The following CENPT variants were observed in gnomAD, a reference collection of about 807,000 sequenced individuals.
CENPT encodes interphase centromere complex protein 22.
A neutral mutation model predicts 59.7 loss-of-function variants in CENPT; 42 were observed. That is an observed-to-expected ratio of 0.70 (90% CI 0.55 to 0.91). The LOEUF is 0.91. Ranked by LOEUF, CENPT falls within the 40% of genes least tolerant of loss-of-function variation. CENPT has a pLI of 0.00. For synonymous variants in CENPT, 295 were observed against 289.6 expected (o/e 1.02, Z -0.19); for missense variants, 716 against 713.4 (o/e 1.00, Z -0.04).
rs1482775614 is a variant in CENPT, at chr16:67,832,104, T to C, written c.294A>G (p.Pro98=). 1.9e-6 allele frequency: 3 copies of C among 1,611,540 alleles called. No individual in the cohort carries two copies. The African/African-American group carries it at 4.0e-5, about 22-fold the overall frequency. The change falls in exon 7 of 16, where the codon CCA becomes CCG. Residue 98 remains proline, a synonymous_variant. Transcript: ENST00000562787. ...TLLKNILLTA[P]ESSILMPESV... ...ACTCAGGCATCAGGATGGAAGATTC[T>C]GGGGCTGCAGAAACACCAAGGAGAG...
At chr16:67,837,989 T>A (rs2057742595) in intron 1 of CENPT, among the ~76,000 whole-genome samples, 1 of 152,144 alleles carries the variant, frequency 6.6e-6, no homozygotes, top group African/African-American at 2.4e-5. Flanking sequence ...AAGAACAGAT[T>A]GCAGGAGAGG....
intron 1 of CENPT, among the ~76,000 whole-genome samples, chr16:67,839,054 T>C (rs1015152032): frequency 6.6e-6 from 1 of 151,680 alleles, no homozygotes; most frequent in African/African-American, 2.4e-5. Flanking sequence ...AGTTCCAGAC[T>C]AGCCTGCCCA....
chr16:67,839,400 A>C (rs911476711), intron 1 of CENPT, among the ~76,000 whole-genome samples: 8 of 149,590 alleles, frequency 5.3e-5, no homozygotes, highest in African/African-American at 1.2e-4. Context: ...AAAAAAAAAA[A>C]CCAAAAAAAA....
intron 10 of CENPT, chr16:67,830,959 T>G (rs2057681363): frequency 3.6e-6 from 2 of 554,264 alleles, no homozygotes; most frequent in African/African-American, 1.9e-5. Flanking sequence ...TCAACAAGTT[T>G]TGGCCACCAC....
intron 10 of CENPT, chr16:67,830,776 A>G (rs571253502): frequency 1.8e-6 from 1 of 567,600 alleles, no homozygotes; most frequent in African/African-American, 1.9e-5. Flanking sequence ...TCTGCCTGGC[A>G]GTCCCAGGCC....
intron 1 of CENPT, among the ~76,000 whole-genome samples, chr16:67,844,955 A>C (rs1355500120): frequency 6.6e-6 from 1 of 151,640 alleles, no homozygotes; most frequent in African/African-American, 2.4e-5. Context: ...CGTCGGGCTG[A>C]TTTTTGTATT....
intron 1 of CENPT, among the ~76,000 whole-genome samples, chr16:67,840,773 G>C (rs1294810318): frequency 1.3e-5 from 2 of 151,742 alleles, no homozygotes; most frequent in Non-Finnish European, 2.9e-5. Flanking sequence ...GGAAGAACTC[G>C]GCAAAGGAGG....
Position 67,831,993 on chromosome 16 carries a change from G to T in CENPT, c.386+19C>A. 1 of 1,592,340 alleles carries T rather than the reference G, an allele frequency of 6.3e-7. No individual in the cohort carries two copies. The highest frequency in any genetic ancestry group is 1.1e-5 in the South Asian group (1 of 88,152). On this transcript the variant is annotated intron_variant, in intron 7 of 15. Transcript: ENST00000562787. ...TAAGCTGCCCATAGCACAATCCAAG[G>T]TGGGGGAGTTCTGTGTACCTGCCGC...
At chr16:67,832,674 GC>G in intron 4 of CENPT, 129 bp from the exon 5 acceptor site, 1 of 726,184 alleles carries the variant, frequency 1.4e-6, no homozygotes. Context: ...GAAACCACTT[GC>G]CCCTACCATC....
rs750758884 is a variant in CENPT, at chr16:67,829,471, C to T, written c.1232G>A (p.Arg411Lys). Residue 411 changes from arginine (R) to lysine (K), a missense_variant, in exon 13 of 16, where the codon AGG (arginine) becomes AAG (lysine). By Grantham distance (26) the Arg-to-Lys change is conservative (BLOSUM62 2). Coordinates refer to ENST00000562787, the MANE Select transcript of CENPT (RefSeq NM_025082.4). The stretch of plus-strand genomic sequence containing the variant: ...TGGCTCAAGAAACTGATGATGTCGC[C>T]TGGCCTGGAGAGACTCAGGGGTGCT... ...ASSTPESLQA[R>K]RHHQFLEPAP... 1.9e-6 allele frequency: 3 copies of T among 1,585,882 alleles called. No individual in the cohort carries two copies. In the Admixed American group the frequency reaches 6.1e-5, roughly 32 times the overall value.
At chr16:67,835,415 G>C (rs948435851) in intron 2 of CENPT, 115 bp from the exon 3 acceptor site, 2 of 152,084 alleles carry the variant, frequency 1.3e-5, no homozygotes, top group Non-Finnish European at 2.9e-5. Flanking sequence ...TGTAATCCCA[G>C]CACTTTGGGA....
Position 67,842,270 on chromosome 16 carries a change from C to T in CENPT, c.-492+5131G>A. The T allele has an allele frequency of 6.3e-6, 1 of 158,474 alleles. No homozygotes were observed. The highest frequency in any genetic ancestry group is 1.4e-5 in the Non-Finnish European group (1 of 72,240). The allele number at this position is 158,474 out of a possible 1,614,324, so 9.8% of individuals were successfully genotyped here. On this transcript the variant is annotated intron_variant, in intron 1 of 15. Transcript: ENST00000562787. The surrounding 1 kb of genome is among the most constrained non-coding windows in gnomAD (Gnocchi z 4.9). ...GAAGTGAGCCGCTTCTGGCGCGGGG[C>T]ATTGTGGGGGGCGTAGTCTCTTTCT...
intron 13 of CENPT, chr16:67,829,110 C>G (rs1381911791): frequency 1.9e-6 from 1 of 522,288 alleles, no homozygotes; most frequent in East Asian, 3.3e-5. Flanking sequence ...GTCCATGACT[C>G]CAGGCCTTAG....
chr16:67,834,620 TA>T (rs1300267452), intron 3 of CENPT, among the ~76,000 whole-genome samples: 1 of 152,080 alleles, frequency 6.6e-6, no homozygotes, highest in Non-Finnish European at 1.5e-5. Context: ...CAAAAAATAA[TA>T]AAAGCATTTT....
At chr16:67,830,216 C>G (rs999816481) in intron 11 of CENPT, 128 bp from the exon 12 acceptor site, 1 of 1,220,996 alleles carries the variant, frequency 8.2e-7, no homozygotes, top group African/African-American at 1.5e-5. Context: ...AGAGGCAGCA[C>G]CAGGACATGG....
chr16:67,842,873 C>T lies in CENPT; in HGVS notation c.-492+4528G>A. The T allele has an allele frequency of 6.2e-7, 1 of 1,603,816 alleles. No individual in the cohort carries two copies. Among genetic ancestry groups the T allele is most frequent in the Non-Finnish European group, 8.5e-7 (1 of 1,175,500 alleles). On this transcript the variant is annotated intron_variant, in intron 1 of 15. Transcript: ENST00000562787. This position sits in a 1 kb window ranked among gnomAD's most constrained non-coding sequence, Gnocchi z 4.9. Reference sequence around the variant, plus strand: ...GGCCGCCCGCCGCAGGCAGCAGCAGCAACAGCAGCAGCAGCAGCAACAGCA... The same window carrying T: ...GGCCGCCCGCCGCAGGCAGCAGCAGTAACAGCAGCAGCAGCAGCAACAGCA...
Position 67,828,725 on chromosome 16 carries a change from A to G in CENPT, c.1399T>C (p.Phe467Leu), listed in dbSNP as rs1210124431. 2 of 1,614,130 alleles carry G rather than the reference A, an allele frequency of 1.2e-6. No individual in the cohort carries two copies. Among genetic ancestry groups the G allele is most frequent in the South Asian group, 1.1e-5 (1 of 91,086 alleles). Reference protein sequence around the residue: ...KAGLSHYVKLFSFYAKMPMER... With the variant: ...KAGLSHYVKLLSFYAKMPMER... ...ATGGGCATCTTGGCATAGAAGCTAA[A>G]GAGTTTCACATAGTGGCTCAGTCCA... The change falls in exon 14 of 16, where the codon TTT becomes CTT. Residue 467 changes from phenylalanine (F) to leucine (L), a missense_variant. Transcript: ENST00000562787.
At position 67,831,221 on chromosome 16, in the gene CENPT, G is replaced by A. The variant is rs1177199513; in HGVS notation, c.698C>T (p.Pro233Leu). Residue 233 changes from proline (P) to leucine (L), a missense_variant, in exon 10 of 16, where the codon CCT becomes CTT. Coordinates refer to ENST00000562787, the MANE Select transcript of CENPT (RefSeq NM_025082.4). ...AGGGGAAAACCCAACCTTACTTGGA[G>A]GAGCCAGGGAAGTATCTCGCAGATC... is the stretch of plus-strand genomic sequence containing the variant. ...LRDLRDTSLA[P>L]PNIVLEDTQP... 1.2e-6 allele frequency: 2 copies of A among 1,613,998 alleles called. No homozygotes were observed. Among genetic ancestry groups the A allele is most frequent in the Admixed American group, 1.7e-5 (1 of 60,004 alleles).
chr16:67,832,141 C>A (rs1272390282), intron 6 of CENPT, 33 bp from the exon 7 acceptor site: 1 of 1,607,926 alleles, frequency 6.2e-7, no homozygotes, highest in Non-Finnish European at 8.5e-7. Context: ...GTGGGGCTGA[C>A]AGAACAGGCC....
Sources: gnomAD v4.1 joint callset for allele counts (sites outside exome capture counted in the v4.1 genomes callset) on GRCh38, gnomAD v4.1.1 for gene constraint, Gnocchi (gnomAD v3.1) non-coding constraint, MANE v1.5 for transcripts, NCBI Gene and HGNC (gene_info 2026-07-23, HGNC 2026-07-21) for gene names.